SGCZ: variants seen among roughly 807,000 people sequenced by gnomAD.
SGCZ encodes the protein sarcoglycan zeta.
In SGCZ, 40 loss-of-function variants were observed where a neutral mutation model predicts 41.3. The ratio of observed to expected loss-of-function variants is 0.97; its 90% confidence interval spans 0.75 to 1.26. The LOEUF (loss-of-function observed/expected upper bound fraction) is 1.26. Ranked by LOEUF, SGCZ falls within the 50% of genes most tolerant of loss-of-function variation. The pLI, the probability that SGCZ is intolerant of heterozygous loss-of-function variation, is 0.00. For synonymous variants in SGCZ, 206 were observed against 137.5 expected (o/e 1.50, Z -3.49); for missense variants, 552 against 369.8 (o/e 1.49, Z -4.04).
intron 1 of SGCZ, among the ~76,000 whole-genome samples, chr8:14,920,741 T>A (rs1001164150): frequency 1.3e-5 from 2 of 152,222 alleles, no homozygotes. Context: ...TTAATATAGT[T>A]AACTATCATT....
intron 1 of SGCZ, among the ~76,000 whole-genome samples, chr8:14,775,088 A>C (rs1178084988): frequency 6.6e-6 from 1 of 152,214 alleles, no homozygotes; most frequent in Non-Finnish European, 1.5e-5. Flanking sequence ...TAATAAAACT[A>C]AACAAATGTA....
At chr8:14,572,628 A>T (rs747292760) in intron 1 of SGCZ, among the ~76,000 whole-genome samples, 2 of 152,162 alleles carry the variant, frequency 1.3e-5, no homozygotes, top group Non-Finnish European at 2.9e-5. Context: ...TCCTGAACTC[A>T]CTTTCAAAGC....
chr8:14,890,045 C>G (rs960452232), intron 1 of SGCZ, among the ~76,000 whole-genome samples: 1 of 152,004 alleles, frequency 6.6e-6, no homozygotes, highest in Admixed American at 6.6e-5. Context: ...GGTGAAACTC[C>G]GTCTCTACTA....
chr8:14,482,669 G>A (rs1247511039), intron 2 of SGCZ, among the ~76,000 whole-genome samples: 1 of 151,918 alleles, frequency 6.6e-6, no homozygotes, highest in African/African-American at 2.4e-5. Flanking sequence ...TAGCATCTGC[G>A]AAATAAGTAA....
intron 1 of SGCZ, among the ~76,000 whole-genome samples, chr8:14,712,298 A>T (rs1809545969): frequency 6.6e-6 from 1 of 152,168 alleles, no homozygotes. Context: ...TGCCTGGTTG[A>T]TGAAATGCTG....
intron 4 of SGCZ, among the ~76,000 whole-genome samples, chr8:14,168,202 C>G (rs1208358062): frequency 1.3e-5 from 2 of 152,090 alleles, no homozygotes; most frequent in Non-Finnish European, 2.9e-5. Context: ...AAATGAGATT[C>G]AAAATTACCA....
chr8:15,063,560 CTCTT>C (rs1563478972), intron 1 of SGCZ, among the ~76,000 whole-genome samples: 1 of 152,150 alleles, frequency 6.6e-6, no homozygotes, highest in Non-Finnish European at 1.5e-5. Context: ...TTTTAAAAAT[CTCTT>C]TCAAAGTGCA....
intron 4 of SGCZ, among the ~76,000 whole-genome samples, chr8:14,214,619 T>G (rs1244757370): frequency 6.6e-6 from 1 of 152,164 alleles, no homozygotes; most frequent in East Asian, 1.9e-4. Context: ...TCAGCTATAT[T>G]GTTTATGAGA....
At chr8:14,786,507 C>T (rs1424398506) in intron 1 of SGCZ, among the ~76,000 whole-genome samples, 1 of 151,984 alleles carries the variant, frequency 6.6e-6, no homozygotes, top group Non-Finnish European at 1.5e-5. Context: ...GAGAATGGTA[C>T]TATATAGTGG....
chr8:14,489,799 C>T (rs1038293187), intron 2 of SGCZ, among the ~76,000 whole-genome samples: 11 of 151,722 alleles, frequency 7.3e-5, no homozygotes, highest in African/African-American at 2.7e-4. Flanking sequence ...CTGGCCTAAT[C>T]ACATTGACTA....
intron 3 of SGCZ, among the ~76,000 whole-genome samples, chr8:14,279,234 G>C (rs1800340888): frequency 1.3e-5 from 2 of 152,066 alleles, no homozygotes; most frequent in East Asian, 1.9e-4. Context: ...TTTTCTTTGA[G>C]AATTTAGATT....
In SGCZ at chr8:15,204,812, T is replaced by C. The variant is rs1171192672; in HGVS notation, c.39+32773A>G. Among the ~76,000 whole-genome samples the C allele has an allele frequency of 2.0e-5, 3 of 152,316 alleles. No individual in the cohort carries two copies. The East Asian group carries it at 5.8e-4, about 29-fold the overall frequency. ...TATTTTTAAAACCTCCAGCATTTAATTGTTTAACTACCACTCTGTCCCAAG... is the reference window on the plus strand; with the variant it reads ...TATTTTTAAAACCTCCAGCATTTAACTGTTTAACTACCACTCTGTCCCAAG... On this transcript the variant is annotated intron_variant, in intron 1 of 7. Transcript: ENST00000382080.
At chr8:14,597,024 C>G (rs565308779) in intron 1 of SGCZ, among the ~76,000 whole-genome samples, 2 of 152,174 alleles carry the variant, frequency 1.3e-5, no homozygotes, top group Admixed American at 1.3e-4. Flanking sequence ...CAACTCATAA[C>G]TTCCTCAAAA....
chr8:14,309,222 C>G (rs1309143957), intron 3 of SGCZ: 2 of 1,504,394 alleles, frequency 1.3e-6, no homozygotes, highest in African/African-American at 1.4e-5. Context: ...AAGTTTGATA[C>G]TGTTGAAGAC....
At chr8:15,201,179 G>A (rs992216159) in intron 1 of SGCZ, among the ~76,000 whole-genome samples, 2 of 152,112 alleles carry the variant, frequency 1.3e-5, no homozygotes, top group Admixed American at 6.5e-5. Context: ...ATCAAGTCTG[G>A]CTAATTTTTG....
At chr8:14,243,248 A>C (rs979765147) in intron 3 of SGCZ, among the ~76,000 whole-genome samples, 2 of 152,128 alleles carry the variant, frequency 1.3e-5, no homozygotes, top group African/African-American at 2.4e-5. Flanking sequence ...TTACAAGAAA[A>C]ATTTTCTTCT....
intron 2 of SGCZ, among the ~76,000 whole-genome samples, chr8:14,439,613 G>T (rs78697789): frequency 1.3e-5 from 2 of 151,642 alleles, no homozygotes; most frequent in South Asian, 2.1e-4. Flanking sequence ...ATGAATGCAA[G>T]CTTAGCTCCA....
chr8:14,817,865 T>C (rs1358744545), intron 1 of SGCZ, among the ~76,000 whole-genome samples: 2 of 152,144 alleles, frequency 1.3e-5, no homozygotes, highest in African/African-American at 2.4e-5. Flanking sequence ...CCCCAGATCA[T>C]TGCAGAGCCA....
chr8:14,917,812 T>A (rs1799482231), intron 1 of SGCZ, among the ~76,000 whole-genome samples: 1 of 152,154 alleles, frequency 6.6e-6, no homozygotes, highest in Non-Finnish European at 1.5e-5. Context: ...TTGTACCATA[T>A]CACATGTGCC....
Sources: allele counts gnomAD v4.1 joint callset (sites outside exome capture counted in the v4.1 genomes callset), GRCh38; gene constraint gnomAD v4.1.1; transcripts MANE v1.5; gene names NCBI Gene and HGNC (gene_info 2026-07-23, HGNC 2026-07-21).